Variants in CNTN5 observed in about 807,000 individuals in gnomAD.
CNTN5 encodes contactin-5.
Under a neutral mutation model 129.1 loss-of-function variants are expected in CNTN5, and 77 were observed. That is an observed-to-expected ratio of 0.60 (90% CI 0.50 to 0.72). CNTN5 has a LOEUF of 0.72. Ranked by LOEUF, CNTN5 falls within the 30% of genes least tolerant of loss-of-function variation. The pLI is 0.00. For missense variants in CNTN5, 1,478 were observed against 1,328.8 expected (o/e 1.11, Z -1.75); for synonymous variants, 509 against 465.6 (o/e 1.09, Z -1.20).
intron 3 of CNTN5, among the ~76,000 whole-genome samples, chr11:99,637,043 T>TAAAAAAAAAAAAAAAAAAAAA (rs763109822): frequency 2.2e-3 from 215 of 95,764 alleles, no homozygotes; most frequent in Non-Finnish European, 3.3e-3. Flanking sequence ...AAAAAAAAAG[T>TAAAAAAAAAAAAAAAAAAAAA]AAATGACTCT....
chr11:99,527,250 T>G (rs1159067332), intron 2 of CNTN5, among the ~76,000 whole-genome samples: 1 of 152,220 alleles, frequency 6.6e-6, no homozygotes, highest in Non-Finnish European at 1.5e-5. Flanking sequence ...TATCTAACAT[T>G]TATTCAGCAC....
At chr11:99,719,537 T>G (rs1943096279) in intron 3 of CNTN5, among the ~76,000 whole-genome samples, 1 of 152,098 alleles carries the variant, frequency 6.6e-6, no homozygotes, top group East Asian at 1.9e-4. Flanking sequence ...GAAATTCAAC[T>G]AAGGTAGGAT....
intron 3 of CNTN5, among the ~76,000 whole-genome samples, chr11:99,705,521 G>A (rs976186993): frequency 2.6e-5 from 4 of 151,302 alleles, no homozygotes; most frequent in African/African-American, 9.7e-5. Flanking sequence ...TACTTGGTTG[G>A]TTATTAGAAT....
intron 9 of CNTN5, among the ~76,000 whole-genome samples, chr11:100,057,985 T>G (rs1943304782): frequency 6.6e-6 from 1 of 152,042 alleles, no homozygotes; most frequent in African/African-American, 2.4e-5. Context: ...AAATGAAATG[T>G]TAAGTTACTT....
At chr11:99,704,343 G>A (rs750245710) in intron 3 of CNTN5, among the ~76,000 whole-genome samples, 3 of 150,886 alleles carry the variant, frequency 2.0e-5, no homozygotes, top group Non-Finnish European at 4.5e-5. Context: ...AAAATTAAAA[G>A]CCATGTTGAC....
At chr11:99,247,170 C>T (rs1180047532) in intron 1 of CNTN5, among the ~76,000 whole-genome samples, 1 of 152,078 alleles carries the variant, frequency 6.6e-6, no homozygotes, top group Non-Finnish European at 1.5e-5. Context: ...TTAGCATTGA[C>T]TATTACAATG....
At chr11:99,041,789 T>A (rs1162656838) in intron 1 of CNTN5, among the ~76,000 whole-genome samples, 2 of 152,194 alleles carry the variant, frequency 1.3e-5, no homozygotes, top group Non-Finnish European at 2.9e-5. Flanking sequence ...CATAATTTAG[T>A]TGTAATGGCT....
chr11:99,528,560 T>C (rs947777156), intron 2 of CNTN5, among the ~76,000 whole-genome samples: 2 of 152,208 alleles, frequency 1.3e-5, no homozygotes, highest in Admixed American at 1.3e-4. Flanking sequence ...AGCTGAGATC[T>C]TGAGAAACTT....
intron 13 of CNTN5, among the ~76,000 whole-genome samples, chr11:100,108,984 C>A (rs1945551101): frequency 6.6e-6 from 1 of 152,132 alleles, no homozygotes; most frequent in Admixed American, 6.6e-5. Context: ...AACTTCTTCC[C>A]ACTTTATAAT....
chr11:100,068,179 A>C (rs1591173516), intron 10 of CNTN5, among the ~76,000 whole-genome samples: 1 of 152,128 alleles, frequency 6.6e-6, no homozygotes, highest in East Asian at 1.9e-4. Flanking sequence ...GTTTAGAATC[A>C]TCTCTACTCT....
intron 1 of CNTN5, among the ~76,000 whole-genome samples, chr11:99,235,112 T>C (rs1861200568): frequency 6.6e-6 from 1 of 151,974 alleles, no homozygotes; most frequent in African/African-American, 2.4e-5. Context: ...TTTGTACTCA[T>C]AAGCAGACAT....
rs1944490206 is a variant in CNTN5 at position 99,456,154 on chromosome 11, T to C, written c.-70-99991T>C. On this transcript the variant is annotated intron_variant, in intron 2 of 24. Transcript: ENST00000524871. ...TAAACTCTTTTTTATTTCAAAACTC[T>C]CGAAATGAAATAATTGCATTAAATT... is the stretch of plus-strand genomic sequence containing the variant. Among the ~76,000 whole-genome samples the C allele has an allele frequency of 1.3e-5, 2 of 152,180 alleles. 1 individual carries two copies. The highest frequency in any genetic ancestry group is 4.1e-4 in the South Asian group (2 of 4,830).
intron 1 of CNTN5, among the ~76,000 whole-genome samples, chr11:99,031,529 G>A (rs1259890235): frequency 6.6e-6 from 1 of 151,800 alleles, no homozygotes; most frequent in Non-Finnish European, 1.5e-5. Context: ...GGAAAAAAAG[G>A]TGAAGAAAGC....
At chr11:99,992,821 A>G (rs1156364883) in intron 8 of CNTN5, among the ~76,000 whole-genome samples, 1 of 152,206 alleles carries the variant, frequency 6.6e-6, no homozygotes, top group East Asian at 1.9e-4. Context: ...TTCAGCTGGA[A>G]GGCTTCTGTT....
intron 9 of CNTN5, among the ~76,000 whole-genome samples, chr11:100,025,042 T>C (rs998986199): frequency 2.0e-5 from 3 of 152,114 alleles, no homozygotes; most frequent in Non-Finnish European, 4.4e-5. Flanking sequence ...ATGGGGAAAA[T>C]GTCTCCAGGG....
At chr11:99,290,370 GA>G (rs1222052224) in intron 1 of CNTN5, among the ~76,000 whole-genome samples, 1 of 151,572 alleles carries the variant, frequency 6.6e-6, no homozygotes, top group Non-Finnish European at 1.5e-5. Context: ...TATATGACCA[GA>G]AAAAAAGCCA....
At chr11:99,276,565 AT>A (rs1863444867) in intron 1 of CNTN5, among the ~76,000 whole-genome samples, 1 of 151,562 alleles carries the variant, frequency 6.6e-6, no homozygotes, top group African/African-American at 2.4e-5. Context: ...AATTTACCTT[AT>A]AAAGTTATGA....
chr11:99,342,959 TACAAAACAAAAA>T (rs1385923531), intron 2 of CNTN5, among the ~76,000 whole-genome samples: 2 of 151,968 alleles, frequency 1.3e-5, no homozygotes, highest in Admixed American at 1.3e-4. Flanking sequence ...AACTGAGATA[TACAAAACAAAAA>T]ACAAAACAAA....
chr11:99,294,001 G>A (rs890207125), intron 1 of CNTN5, among the ~76,000 whole-genome samples: 2 of 151,118 alleles, frequency 1.3e-5, no homozygotes, highest in Non-Finnish European at 3.0e-5. Flanking sequence ...GATGAGCATT[G>A]TTAGGCTGTT....
Sources: gnomAD v4.1 joint callset for allele counts (sites outside exome capture counted in the v4.1 genomes callset) on GRCh38, gnomAD v4.1.1 for gene constraint, MANE v1.5 for transcripts, NCBI Gene and HGNC (gene_info 2026-07-23, HGNC 2026-07-21) for gene names.